The following RYR2 variants were observed in gnomAD, a reference collection of about 807,000 sequenced individuals.
The protein encoded by RYR2 is ryanodine receptor 2.
A neutral mutation model predicts 601.1 loss-of-function variants in RYR2; 227 were observed. That is an observed-to-expected ratio of 0.38 (90% CI 0.34 to 0.42). The LOEUF (loss-of-function observed/expected upper bound fraction) is 0.42, where lower values mean the gene tolerates loss of function less well. Ranked by LOEUF, RYR2 falls within the 10% of genes least tolerant of loss-of-function variation. The pLI, the probability that RYR2 is intolerant of heterozygous loss-of-function variation, is 1.00. For missense variants in RYR2, 4,646 were observed against 6,156.5 expected, an observed-to-expected ratio of 0.75 and a Z score of 8.21; for synonymous variants, 2,223 against 2,175.1, an observed-to-expected ratio of 1.02 and a Z score of -0.61.
At chr1:237,550,821 G>T in intron 27 of RYR2, 130 bp downstream of exon 27, 1 of 1,031,398 alleles carries the variant, frequency 9.7e-7, no homozygotes, top group Non-Finnish European at 1.4e-6. Context: ...TCAGCCAAGT[G>T]GATTTTCTTC....
Position 237,635,006 on chromosome 1 carries a change from C to T in RYR2, c.6792+14C>T, listed in dbSNP as rs903560759. The T allele has an allele frequency of 6.6e-7, 1 of 1,508,824 alleles. No individual in the cohort carries two copies. The highest frequency in any genetic ancestry group is 1.4e-5 in the African/African-American group (1 of 72,606). 93.5% of individuals were successfully genotyped at this position (1,508,824 alleles called of 1,614,324 possible). Reference sequence around the variant, plus strand: ...GATCTAGAAAAGGTGAGCAATGTTCCTGCCCTGTGTGTTTGTCTGAATTAT... The same window carrying T: ...GATCTAGAAAAGGTGAGCAATGTTCTTGCCCTGTGTGTTTGTCTGAATTAT... On this transcript the variant is annotated intron_variant, in intron 44 of 104. Coordinates refer to ENST00000366574, the MANE Select transcript of RYR2 (RefSeq NM_001035.3).
intron 17 of RYR2, among the ~76,000 whole-genome samples, chr1:237,488,976 A>G (rs959554784): frequency 6.6e-6 from 1 of 152,158 alleles, no homozygotes; most frequent in Admixed American, 6.5e-5. Context: ...TAGCAGCCAG[A>G]TAGTTACTAT....
chr1:237,306,874 G>C (rs1232127586), intron 2 of RYR2, among the ~76,000 whole-genome samples: 1 of 152,152 alleles, frequency 6.6e-6, no homozygotes, highest in Admixed American at 6.5e-5. Context: ...CTGAGTTTCA[G>C]TTCATCGTTT....
At chr1:237,181,938 C>A (rs1204249343) in intron 1 of RYR2, among the ~76,000 whole-genome samples, 1 of 152,106 alleles carries the variant, frequency 6.6e-6, no homozygotes, top group Non-Finnish European at 1.5e-5. Context: ...CTCACCATTG[C>A]CAGAACGAGT....
chr1:237,518,355 AC>A lies in RYR2; in HGVS notation c.2822+6567del, dbSNP rs529082805. On this transcript the variant is annotated intron_variant, in intron 24 of 104. Transcript: ENST00000366574. ...AGTCAAGACTTTGAGGGTATCCATC[AC>A]CCAGTTAATGTATATTGCACCCATT... Among the ~76,000 whole-genome samples, 89 of 152,130 alleles carry A rather than the reference AC, an allele frequency of 5.9e-4. No individual in the cohort carries two copies. The East Asian group carries it at 0.015, about 26-fold the overall frequency.
intron 2 of RYR2, among the ~76,000 whole-genome samples, chr1:237,310,368 G>A (rs1216890365): frequency 2.6e-5 from 4 of 152,182 alleles, no homozygotes; most frequent in Non-Finnish European, 5.9e-5. Context: ...TAAACTACAA[G>A]CTGAGTCATG....
chr1:237,494,534 G>T (rs1326802414), intron 19 of RYR2, among the ~76,000 whole-genome samples: 1 of 152,064 alleles, frequency 6.6e-6, no homozygotes, highest in South Asian at 2.1e-4. Flanking sequence ...TGTTAATCTC[G>T]TTTGGCAACC....
chr1:237,454,632 T>G (rs1658591217), intron 15 of RYR2, 58 bp downstream of exon 15: 1 of 1,553,944 alleles, frequency 6.4e-7, no homozygotes, highest in East Asian at 2.3e-5. Context: ...AACAGCTTCT[T>G]GGTTGGGAAA....
At chr1:237,752,820 T>A (rs1384310093) in intron 80 of RYR2, among the ~76,000 whole-genome samples, 1 of 152,214 alleles carries the variant, frequency 6.6e-6, no homozygotes, top group East Asian at 1.9e-4. Flanking sequence ...CAGATGCCAA[T>A]TAAAAATATT....
intron 35 of RYR2, among the ~76,000 whole-genome samples, chr1:237,604,861 G>A (rs1676928976): frequency 6.6e-6 from 1 of 152,162 alleles, no homozygotes; most frequent in African/African-American, 2.4e-5. Flanking sequence ...ACCCTCCCAA[G>A]ACTAAACCAG....
intron 63 of RYR2, among the ~76,000 whole-genome samples, chr1:237,692,792 G>A (rs1687061938): frequency 6.6e-6 from 1 of 152,122 alleles, no homozygotes; most frequent in African/African-American, 2.4e-5. Context: ...TGACCTCCTT[G>A]ATAATACTCC....
chr1:237,609,187 CCTGCCCTCCTAT>C (rs1677518608), intron 35 of RYR2, among the ~76,000 whole-genome samples: 1 of 113,744 alleles, frequency 8.8e-6, no homozygotes, highest in East Asian at 2.5e-4. Flanking sequence ...TCCCTTCCTT[CCTGCCCTCCTAT>C]CTTCCTTGTC....
At chr1:237,827,832 G>A (rs1415357771) in intron 101 of RYR2, among the ~76,000 whole-genome samples, 1 of 150,910 alleles carries the variant, frequency 6.6e-6, no homozygotes, top group East Asian at 2.0e-4. Flanking sequence ...AGCTGCTGGG[G>A]AGGCTGAAGC....
chr1:237,705,128 T>G, intron 66 of RYR2, 85 bp from the exon 67 acceptor site: 1 of 1,200,542 alleles, frequency 8.3e-7, no homozygotes. Flanking sequence ...TATCATTCCT[T>G]TTAGGTTAAA....
rs182050281 is a variant in RYR2 at position 237,445,542 on chromosome 1, C to T, written c.1292+20C>T. ...TATAAGGTACTTTTTCTTTTGTAGG[C>T]GTAGTTGTTTGATACTTCATTTTCA... On this transcript the variant is annotated intron_variant, in intron 14 of 104. Transcript: ENST00000366574. The T allele has an allele frequency of 7.5e-3, 12,166 of 1,611,854 alleles. 105 individuals are homozygous for T. The highest frequency in any genetic ancestry group is 0.028 in the South Asian group (2,524 of 90,914).
chr1:237,203,687 G>A (rs1681453398), intron 1 of RYR2, among the ~76,000 whole-genome samples: 2 of 151,966 alleles, frequency 1.3e-5, no homozygotes, highest in South Asian at 4.1e-4. Context: ...TAAAACTGTA[G>A]TAAAAATTTT....
chr1:237,442,020 T>C (rs1461205455), intron 13 of RYR2, among the ~76,000 whole-genome samples: 3 of 152,226 alleles, frequency 2.0e-5, no homozygotes, highest in Non-Finnish European at 4.4e-5. Flanking sequence ...GCTGAAACCA[T>C]AGTAGGTGCT....
At chr1:237,544,689 GA>G (rs1295413486) in intron 25 of RYR2, among the ~76,000 whole-genome samples, 1 of 152,134 alleles carries the variant, frequency 6.6e-6, no homozygotes, top group Non-Finnish European at 1.5e-5. Context: ...TTAATAAGGT[GA>G]AATGAACATT....
chr1:237,042,975 C>T (rs1660102923), intron 1 of RYR2, among the ~76,000 whole-genome samples: 1 of 151,832 alleles, frequency 6.6e-6, no homozygotes, highest in African/African-American at 2.4e-5. Flanking sequence ...CCCGTGGGGG[C>T]GCGGGGAGCG....
Sources: allele counts gnomAD v4.1 joint callset (sites outside exome capture counted in the v4.1 genomes callset), GRCh38; gene constraint gnomAD v4.1.1; transcripts MANE v1.5; gene names NCBI Gene and HGNC (gene_info 2026-07-23, HGNC 2026-07-21).